FYB1: variants seen among roughly 807,000 people sequenced by gnomAD.
The protein encoded by FYB1 is FYN-binding protein 1.
Under a neutral mutation model 94.1 loss-of-function variants are expected in FYB1, and 41 were observed. The ratio of observed to expected loss-of-function variants is 0.44; its 90% confidence interval spans 0.34 to 0.57. The LOEUF (loss-of-function observed/expected upper bound fraction) is 0.57. Among genes scored for constraint, FYB1 ranks in the 20% least tolerant of loss-of-function variants. The probability of loss-of-function intolerance (pLI) is 0.02; values close to 1 mark genes in which losing one functional copy is unlikely to be tolerated. For synonymous variants in FYB1, 367 were observed against 353.2 expected (o/e 1.04, Z -0.44); for missense variants, 1,050 against 976.8 (o/e 1.07, Z -1.00).
chr5:39,117,286 C>A (rs28450177), intron 16 of FYB1, among the ~76,000 whole-genome samples: 3,512 of 152,202 alleles, frequency 0.023, 119 homozygotes, highest in African/African-American at 0.071. Context: ...ATGAGAGATT[C>A]ATCATATTAC....
intron 18 of FYB1, 134 bp downstream of exon 18, chr5:39,108,097 C>T: frequency 1.2e-6 from 1 of 829,148 alleles, no homozygotes; most frequent in South Asian, 2.0e-5. Context: ...GGGCATTTAC[C>T]TTTTCTAACA....
intron 1 of FYB1, among the ~76,000 whole-genome samples, chr5:39,266,331 T>A (rs1413158270): frequency 6.6e-6 from 1 of 152,130 alleles, no homozygotes; most frequent in Non-Finnish European, 1.5e-5. Flanking sequence ...GCTGAAGAGA[T>A]AGGGTCAAGA....
intron 1 of FYB1, among the ~76,000 whole-genome samples, chr5:39,249,303 T>C (rs756343328): frequency 2.6e-5 from 4 of 152,256 alleles, no homozygotes; most frequent in African/African-American, 7.2e-5. Context: ...AGGGGCCTGA[T>C]AGTAAATATT....
intron 1 of FYB1, among the ~76,000 whole-genome samples, chr5:39,228,029 G>A (rs745759769): frequency 6.6e-6 from 1 of 152,130 alleles, no homozygotes; most frequent in Non-Finnish European, 1.5e-5. Context: ...ATAAAGCCCA[G>A]TGCATCTCTC....
At chr5:39,233,902 G>C (rs1244949060) in intron 1 of FYB1, among the ~76,000 whole-genome samples, 1 of 152,152 alleles carries the variant, frequency 6.6e-6, no homozygotes, top group Admixed American at 6.6e-5. Flanking sequence ...TAACATAGTA[G>C]TATTATTGTG....
intron 10 of FYB1, among the ~76,000 whole-genome samples, chr5:39,130,216 G>A (rs1741068957): frequency 6.6e-6 from 1 of 152,036 alleles, no homozygotes; most frequent in Admixed American, 6.6e-5. Flanking sequence ...GTTTCATGGA[G>A]GTAGAGAGTA....
chr5:39,193,345 GA>G (rs1271436839), intron 2 of FYB1, among the ~76,000 whole-genome samples: 1 of 152,074 alleles, frequency 6.6e-6, no homozygotes, highest in Non-Finnish European at 1.5e-5. Context: ...ATGAGGATGG[GA>G]AATTTCAGAG....
intron 2 of FYB1, among the ~76,000 whole-genome samples, chr5:39,197,581 G>A (rs902810536): frequency 6.6e-5 from 10 of 152,218 alleles, no homozygotes; most frequent in African/African-American, 2.4e-4. Flanking sequence ...ATTTCTTCCA[G>A]GTTGACAGGT....
At chr5:39,167,229 T>C (rs561605508) in intron 2 of FYB1, among the ~76,000 whole-genome samples, 1 of 152,262 alleles carries the variant, frequency 6.6e-6, no homozygotes, top group South Asian at 2.1e-4. Flanking sequence ...GGATCAAGCT[T>C]CTACTAGAGG....
rs376027567 is a variant in FYB1 at position 39,242,612 on chromosome 5, G to A, written c.-28+31791C>T. Among the ~76,000 whole-genome samples the A allele has an allele frequency of 3.0e-3, 461 of 152,156 alleles. 2 individuals carry two copies. The Middle Eastern group carries it at 0.034, about 11-fold the overall frequency. On this transcript the variant is annotated intron_variant, in intron 1 of 1. Coordinates refer to the FYB1 transcript ENST00000510188. The stretch of plus-strand genomic sequence containing the variant: ...CCACAATAAACATATGTGTGCATGT[G>A]TCTTTATAGTAGCATGATTTATAAT...
At chr5:39,143,745 T>C (rs533944935) in intron 3 of FYB1, among the ~76,000 whole-genome samples, 71 of 152,332 alleles carry the variant, frequency 4.7e-4, no homozygotes, top group Non-Finnish European at 8.8e-4. Flanking sequence ...GATACATTTG[T>C]AACTCAGGAA....
chr5:39,226,760 A>G (rs1364429452), intron 1 of FYB1, among the ~76,000 whole-genome samples: 1 of 152,206 alleles, frequency 6.6e-6, no homozygotes, highest in South Asian at 2.1e-4. Flanking sequence ...TAAAGTGCAG[A>G]TTCCAGATTT....
At chr5:39,147,825 C>A (rs1053948392) in intron 3 of FYB1, among the ~76,000 whole-genome samples, 1 of 151,078 alleles carries the variant, frequency 6.6e-6, no homozygotes, top group African/African-American at 2.4e-5. Flanking sequence ...GGACTGCAGG[C>A]GCCCGCCACC....
At chr5:39,259,308 C>G (rs1192169048) in intron 1 of FYB1, among the ~76,000 whole-genome samples, 1 of 152,154 alleles carries the variant, frequency 6.6e-6, no homozygotes, top group Admixed American at 6.5e-5. Flanking sequence ...AACAAGAAAC[C>G]CTGGACTAAG....
At chr5:39,216,593 G>C (rs574493171) in intron 1 of FYB1, among the ~76,000 whole-genome samples, 2 of 152,062 alleles carry the variant, frequency 1.3e-5, no homozygotes, top group African/African-American at 4.8e-5. Flanking sequence ...AGTGTGTGTC[G>C]TTCCCCTCCC....
intron 2 of FYB1, among the ~76,000 whole-genome samples, chr5:39,182,991 G>A (rs62358728): frequency 0.15 from 22,826 of 152,152 alleles, 2,200 homozygotes; most frequent in Non-Finnish European, 0.21. Flanking sequence ...GTCTTCAAAA[G>A]TCCTTGTGTC....
chr5:39,199,245 T>C (rs1748104061), intron 2 of FYB1, among the ~76,000 whole-genome samples: 1 of 152,122 alleles, frequency 6.6e-6, no homozygotes, highest in African/African-American at 2.4e-5. Flanking sequence ...TCCAGTTATA[T>C]AAAATGAACA....
chr5:39,172,445 C>CA (rs57444171), intron 2 of FYB1, among the ~76,000 whole-genome samples: 140 of 147,936 alleles, frequency 9.5e-4, no homozygotes, highest in African/African-American at 2.7e-3. Context: ...GACTCCATCT[C>CA]AAAAAAAAAA....
intron 2 of FYB1, among the ~76,000 whole-genome samples, chr5:39,191,550 T>G (rs1360040828): frequency 6.6e-6 from 1 of 152,236 alleles, no homozygotes; most frequent in Non-Finnish European, 1.5e-5. Context: ...TGCTATTGAG[T>G]GTTCTAGATG....
Sources: allele counts gnomAD v4.1 joint callset (sites outside exome capture counted in the v4.1 genomes callset), GRCh38; gene constraint gnomAD v4.1.1; transcripts MANE v1.5; gene names NCBI Gene and HGNC (gene_info 2026-07-23, HGNC 2026-07-21).